Variants in ERBB4 observed in about 807,000 individuals in gnomAD.
ERBB4 encodes the protein receptor tyrosine-protein kinase erbB-4.
ERBB4 carries 42 observed loss-of-function variants against 158.0 expected under a neutral mutation model. The observed-to-expected ratio is 0.27, with a 90% CI of 0.21 to 0.34. The LOEUF (loss-of-function observed/expected upper bound fraction) is 0.34, where lower values mean the gene tolerates loss of function less well. Ranked by LOEUF, ERBB4 falls within the 10% of genes least tolerant of loss-of-function variation. ERBB4 has a pLI of 1.00. For synonymous variants in ERBB4, 583 were observed against 558.7 expected (o/e 1.04, Z -0.61); for missense variants, 1,333 against 1,624.1 (o/e 0.82, Z 3.08).
At chr2:211,662,481 G>T (rs1429482514) in intron 15 of ERBB4, among the ~76,000 whole-genome samples, 1 of 152,176 alleles carries the variant, frequency 6.6e-6, no homozygotes, top group Non-Finnish European at 1.5e-5. Flanking sequence ...TGGACTGTGA[G>T]TTCATTGAGG....
chr2:212,319,667 C>A lies in ERBB4; in HGVS notation c.83-194764G>T, dbSNP rs536821439. ...TGCATATAAGTATATTTTTATCTAA[C>A]GTCTCAGTTTTTGATTGAGAAGACA... On this transcript the variant is annotated intron_variant, in intron 1 of 27. Transcript: ENST00000342788. Among the ~76,000 whole-genome samples, 4 of 150,236 alleles carry A rather than the reference C, an allele frequency of 2.7e-5. 1 individual carries two copies. The South Asian group carries it at 8.5e-4, about 32-fold the overall frequency.
chr2:211,406,764 T>C (rs2063156567), intron 25 of ERBB4, among the ~76,000 whole-genome samples: 1 of 151,912 alleles, frequency 6.6e-6, no homozygotes, highest in African/African-American at 2.4e-5. Flanking sequence ...AATACTAAAA[T>C]AGTAGAAAAA....
intron 4 of ERBB4, among the ~76,000 whole-genome samples, chr2:211,774,488 C>T (rs755707136): frequency 9.2e-5 from 14 of 152,022 alleles, no homozygotes; most frequent in Non-Finnish European, 1.9e-4. Flanking sequence ...TGTTTATATC[C>T]GCCTCTTCAC....
At chr2:212,288,081 G>A (rs566344351) in intron 1 of ERBB4, among the ~76,000 whole-genome samples, 1 of 152,088 alleles carries the variant, frequency 6.6e-6, no homozygotes, top group African/African-American at 2.4e-5. Context: ...GAAAAGGAAT[G>A]AGATGAGAAG....
intron 7 of ERBB4, among the ~76,000 whole-genome samples, chr2:211,716,831 A>C (rs1411940602): frequency 6.6e-6 from 1 of 152,218 alleles, no homozygotes; most frequent in Admixed American, 6.5e-5. Flanking sequence ...TCATAGACAA[A>C]TACTGAAGTG....
At chr2:211,773,149 G>A (rs980725210) in intron 4 of ERBB4, among the ~76,000 whole-genome samples, 2 of 150,564 alleles carry the variant, frequency 1.3e-5, no homozygotes, top group Non-Finnish European at 3.0e-5. Flanking sequence ...TTGAGGGAGT[G>A]CCTAGCCCAG....
At chr2:212,393,290 C>T (rs536828618) in intron 1 of ERBB4, among the ~76,000 whole-genome samples, 2 of 151,986 alleles carry the variant, frequency 1.3e-5, no homozygotes, top group Non-Finnish European at 2.9e-5. Context: ...ATAAATTACC[C>T]TTATGAGCTA....
intron 20 of ERBB4, among the ~76,000 whole-genome samples, chr2:211,442,854 G>A (rs1267556718): frequency 7.9e-5 from 12 of 151,618 alleles, no homozygotes; most frequent in South Asian, 6.3e-4. Flanking sequence ...ATATTTTTTC[G>A]GCTTGTTCAA....
intron 1 of ERBB4, among the ~76,000 whole-genome samples, chr2:212,199,802 C>G (rs1461651751): frequency 6.6e-6 from 1 of 152,090 alleles, no homozygotes; most frequent in Non-Finnish European, 1.5e-5. Context: ...AAACGATTCT[C>G]TTGTCTGAAG....
chr2:212,462,773 A>C (rs1277746244), intron 1 of ERBB4, among the ~76,000 whole-genome samples: 1 of 152,160 alleles, frequency 6.6e-6, no homozygotes, highest in African/African-American at 2.4e-5. Context: ...AAGGAAAGGA[A>C]ATCAGTAAGC....
At chr2:211,491,675 A>C (rs1346816605) in intron 20 of ERBB4, among the ~76,000 whole-genome samples, 1 of 152,114 alleles carries the variant, frequency 6.6e-6, no homozygotes, top group Non-Finnish European at 1.5e-5. Context: ...AAGTAAATTT[A>C]AAACAAAATT....
intron 1 of ERBB4, among the ~76,000 whole-genome samples, chr2:212,391,313 A>G (rs557038014): frequency 6.6e-6 from 1 of 151,856 alleles, no homozygotes; most frequent in South Asian, 2.1e-4. Context: ...ATCATTATCA[A>G]TAGTAAACTA....
chr2:211,763,442 C>T lies in ERBB4; in HGVS notation c.557-12738G>A, dbSNP rs527627251. Among the ~76,000 whole-genome samples, 7 of 152,178 alleles carry T rather than the reference C, an allele frequency of 4.6e-5. No individual in the cohort carries two copies. The South Asian group carries it at 1.5e-3, about 32-fold the overall frequency. On this transcript the variant is annotated intron_variant, in intron 4 of 27. Coordinates refer to ENST00000342788, the MANE Select transcript of ERBB4 (RefSeq NM_005235.3). The stretch of plus-strand genomic sequence containing the variant: ...AGGAACCATTTCTTTTCCATAGTTC[C>T]TAACAGTGTTCAAAACACAATGGGC...
chr2:211,945,756 TATTAA>T (rs1200281265), intron 3 of ERBB4, among the ~76,000 whole-genome samples: 3 of 152,106 alleles, frequency 2.0e-5, no homozygotes, highest in Non-Finnish European at 4.4e-5. Context: ...GTAGTACTGG[TATTAA>T]ATGTGAAAAT....
chr2:211,695,838 TG>T (rs2072997741), intron 12 of ERBB4, among the ~76,000 whole-genome samples: 1 of 152,224 alleles, frequency 6.6e-6, no homozygotes, highest in Non-Finnish European at 1.5e-5. Context: ...ACATTACATG[TG>T]TATATATGAA....
At chr2:212,505,288 G>C (rs372919093) in intron 1 of ERBB4, among the ~76,000 whole-genome samples, 2 of 152,080 alleles carry the variant, frequency 1.3e-5, no homozygotes, top group Admixed American at 6.6e-5. Context: ...GTAGAGACAG[G>C]GTTTCACTGT....
At chr2:212,280,578 C>T (rs894811331) in intron 1 of ERBB4, among the ~76,000 whole-genome samples, 3 of 151,642 alleles carry the variant, frequency 2.0e-5, no homozygotes, top group Non-Finnish European at 4.4e-5. Context: ...TGCTCCTGAA[C>T]ATGCCTCAAA....
At chr2:211,842,820 T>C (rs1443988412) in intron 3 of ERBB4, among the ~76,000 whole-genome samples, 14 of 152,178 alleles carry the variant, frequency 9.2e-5, no homozygotes, top group Admixed American at 9.2e-4. Flanking sequence ...TCTGTCTTTT[T>C]AAATTATTAC....
At position 211,962,345 on chromosome 2, in the gene ERBB4, C is replaced by T. The variant is rs1317093768; in HGVS notation, c.235-14729G>A. ...AATTCTCTCTATTCATATGCAGGAA[C>T]TGAATATGTTAGTAAGAAACATTTG... On this transcript the variant is annotated intron_variant, in intron 2 of 27. Transcript: ENST00000342788. Among the ~76,000 whole-genome samples the T allele has an allele frequency of 2.0e-5, 3 of 152,070 alleles. No individual in the cohort carries two copies. The East Asian group carries it at 5.8e-4, about 29-fold the overall frequency.
Sources: allele counts gnomAD v4.1 joint callset (sites outside exome capture counted in the v4.1 genomes callset), GRCh38; gene constraint gnomAD v4.1.1; transcripts MANE v1.5; gene names NCBI Gene and HGNC (gene_info 2026-07-23, HGNC 2026-07-21).